Variants in NCR1 observed in about 807,000 individuals in gnomAD.
The protein encoded by NCR1 is natural cytotoxicity triggering receptor 1, also known as NK cell-activating receptor.
NCR1 carries 30 observed loss-of-function variants against 32.5 expected under a neutral mutation model. The ratio of observed to expected loss-of-function variants is 0.92; its 90% confidence interval spans 0.69 to 1.25. NCR1 has a LOEUF of 1.25. NCR1 is among the 50% of genes most tolerant of loss of function. NCR1 has a pLI of 0.00. For synonymous variants in NCR1, 169 were observed against 143.4 expected (o/e 1.18, Z -1.28); for missense variants, 369 against 380.7 (o/e 0.97, Z 0.26).
chr19:54,898,413 G>A, the NCR1 span, among the ~76,000 whole-genome samples: 2 of 152,178 alleles, frequency 1.3e-5, no homozygotes, highest in East Asian at 1.9e-4. Context: ...TGGAGTTCTC[G>A]TGTGCTGGAG....
the NCR1 span, among the ~76,000 whole-genome samples, chr19:54,928,202 A>G: frequency 1.3e-5 from 2 of 152,200 alleles, no homozygotes; most frequent in African/African-American, 2.4e-5. Flanking sequence ...CCTGGGCAAT[A>G]GAATGAGACT....
the NCR1 span, among the ~76,000 whole-genome samples, chr19:54,929,640 A>G: frequency 6.6e-6 from 1 of 152,024 alleles, no homozygotes; most frequent in Non-Finnish European, 1.5e-5. Flanking sequence ...CTTCCTGATT[A>G]CTGGATCCCA....
the NCR1 span, among the ~76,000 whole-genome samples, chr19:54,900,825 C>A: frequency 6.6e-6 from 1 of 151,868 alleles, no homozygotes; most frequent in Admixed American, 6.6e-5. Context: ...GGCAGCTGGT[C>A]GGCATGGGGT....
At chr19:54,931,872 C>A in the NCR1 span, among the ~76,000 whole-genome samples, 1 of 151,306 alleles carries the variant, frequency 6.6e-6, no homozygotes, top group Non-Finnish European at 1.5e-5. Flanking sequence ...ATCCAAATGG[C>A]CTTCTGATTC....
At chr19:54,921,553 C>T in the NCR1 span, among the ~76,000 whole-genome samples, 7 of 152,128 alleles carry the variant, frequency 4.6e-5, no homozygotes, top group African/African-American at 1.7e-4. Flanking sequence ...GGGCAGATCA[C>T]CTGAGGTCAG....
chr19:54,921,913 G>A, the NCR1 span, among the ~76,000 whole-genome samples: 3 of 141,616 alleles, frequency 2.1e-5, no homozygotes, highest in South Asian at 2.2e-4. Context: ...TTTTTTTTTC[G>A]AGACAAGAGT....
the NCR1 span, among the ~76,000 whole-genome samples, chr19:54,932,258 T>A: frequency 1.3e-5 from 2 of 151,896 alleles, no homozygotes; most frequent in Admixed American, 1.3e-4. Context: ...TGAAACCTCA[T>A]CTCCACTAAA....
the NCR1 span, among the ~76,000 whole-genome samples, chr19:54,932,382 T>G: frequency 6.7e-6 from 1 of 149,634 alleles, no homozygotes; most frequent in African/African-American, 2.5e-5. Context: ...CAGCCAAGAT[T>G]ACACCACTGC....
chr19:54,913,055 C>CTTTT lies in NCR1; in HGVS notation c.*196_*199dup. 4.6e-6 allele frequency: 2 copies of CTTTT among 430,814 alleles called. No individual in the cohort carries two copies. Among genetic ancestry groups the CTTTT allele is most frequent in the South Asian group, 4.4e-5 (1 of 22,522 alleles). The allele number at this position is 430,814 out of a possible 1,614,324, so 26.7% of individuals were successfully genotyped here. On this transcript the variant is annotated 3_prime_UTR_variant, in exon 7 of 7. Transcript: ENST00000291890. ...GGTGGGAGAACTACATGCTAAATTTCTTTTTTTTTTTTTTTGAGACAGAGT... is the reference window on the plus strand; with the variant it reads ...GGTGGGAGAACTACATGCTAAATTTCTTTTTTTTTTTTTTTTTTTGAGACAGAGT...
downstream of NCR1, among the ~76,000 whole-genome samples, chr19:54,917,263 C>T (rs1166811146): frequency 6.6e-6 from 1 of 150,520 alleles, no homozygotes; most frequent in African/African-American, 2.4e-5. Context: ...TGCAGTGAGT[C>T]GAGATTGCGC....
At chr19:54,909,189 A>AG in intron 3 of NCR1, 56 bp from the exon 4 acceptor site, 1 of 1,519,476 alleles carries the variant, frequency 6.6e-7, no homozygotes, top group Non-Finnish European at 8.9e-7. Flanking sequence ...AAAAAAAAAA[A>AG]TAGCTGGCTG....
chr19:54,934,036 C>T, the NCR1 span, among the ~76,000 whole-genome samples: 2 of 152,152 alleles, frequency 1.3e-5, no homozygotes, highest in African/African-American at 2.4e-5. This position sits in a 1 kb window ranked among gnomAD's most constrained non-coding sequence, Gnocchi z 6.7. Context: ...CGCCGCCTCC[C>T]AGGTTTACAC....
chr19:54,919,713 G>A (rs1298275366), downstream of NCR1, among the ~76,000 whole-genome samples: 2 of 107,736 alleles, frequency 1.9e-5, no homozygotes, highest in East Asian at 8.5e-4. Context: ...GGGAAAGGGA[G>A]ACCCCCCCCC....
At chr19:54,934,716 C>G in the NCR1 span, 2 of 1,129,386 alleles carry the variant, frequency 1.8e-6, no homozygotes, top group Admixed American at 2.9e-5. The surrounding 1 kb of genome is among the most constrained non-coding windows in gnomAD (Gnocchi z 6.7). Flanking sequence ...ACCCTATCAG[C>G]TTTTTTTTTT....
At chr19:54,931,872 C>T in the NCR1 span, among the ~76,000 whole-genome samples, 2 of 151,306 alleles carry the variant, frequency 1.3e-5, no homozygotes, top group African/African-American at 4.9e-5. Context: ...ATCCAAATGG[C>T]CTTCTGATTC....
At position 54,906,551 on chromosome 19, in the gene NCR1, C is replaced by T. The variant is rs375917132; in HGVS notation, c.99C>T (p.Ala33=). 9.3e-6 allele frequency: 15 copies of T among 1,610,944 alleles called. No individual in the cohort carries two copies. The highest frequency in any genetic ancestry group is 8.9e-5 in the East Asian group (4 of 44,882). Residue 33 remains alanine (A), a synonymous_variant, in exon 3 of 7, where the codon GCC becomes GCT. Coordinates refer to ENST00000291890, the MANE Select transcript of NCR1 (RefSeq NM_004829.7). The part of the protein sequence containing the change: ...QQTLPKPFIW[A]EPHFMVPKEK... ...CTCTCCCAAAACCGTTCATCTGGGCCGAGCCCCATTTCATGGTTCCAAAGG... is the reference window on the plus strand; with the variant it reads ...CTCTCCCAAAACCGTTCATCTGGGCTGAGCCCCATTTCATGGTTCCAAAGG...
the NCR1 span, among the ~76,000 whole-genome samples, chr19:54,921,939 C>T: frequency 6.6e-6 from 1 of 151,626 alleles, no homozygotes; most frequent in African/African-American, 2.4e-5. Flanking sequence ...TCTTATTGCC[C>T]AGGCTGGAGT....
rs1038701439 is a variant in NCR1, at chr19:54,906,918, G to T, written c.355+111G>T. The T allele has an allele frequency of 6.9e-6, 9 of 1,304,306 alleles. No individual in the cohort carries two copies. In the Admixed American group the frequency reaches 1.9e-4, roughly 27 times the overall value. The allele number at this position is 1,304,306 out of a possible 1,614,324, so 80.8% of individuals were successfully genotyped here. On this transcript the variant is annotated intron_variant, in intron 3 of 6. Transcript: ENST00000291890. Reference sequence around the variant, plus strand: ...CAGACACTGCTTGTCTCGGTAGGAGGCTGGAAGGAGGGGTGATCCCCATCA... The same window carrying T: ...CAGACACTGCTTGTCTCGGTAGGAGTCTGGAAGGAGGGGTGATCCCCATCA...
chr19:54,934,058 C>T, the NCR1 span, among the ~76,000 whole-genome samples: 94 of 152,318 alleles, frequency 6.2e-4, no homozygotes, highest in Non-Finnish European at 9.8e-4. This position sits in a 1 kb window ranked among gnomAD's most constrained non-coding sequence, Gnocchi z 6.7. Context: ...ATTCTGCTGA[C>T]TCAGCCTCCT....
Sources: allele counts gnomAD v4.1 joint callset (sites outside exome capture counted in the v4.1 genomes callset), GRCh38; gene constraint gnomAD v4.1.1; non-coding constraint Gnocchi (gnomAD v3.1); transcripts MANE v1.5; gene names NCBI Gene and HGNC (gene_info 2026-07-23, HGNC 2026-07-21).